TBC1D12: variants seen among roughly 807,000 people sequenced by gnomAD.
TBC1D12 encodes TBC1 domain family member 12.
Under a neutral mutation model 86.7 loss-of-function variants are expected in TBC1D12, and 56 were observed. The ratio of observed to expected loss-of-function variants is 0.65; its 90% CI spans 0.52 to 0.81. The LOEUF is 0.81. Ranked by LOEUF, TBC1D12 falls within the 30% of genes least tolerant of loss-of-function variation. TBC1D12 has a pLI of 0.00. For missense variants in TBC1D12, 1,023 were observed against 1,038.8 expected, an observed-to-expected ratio of 0.98 and a Z score of 0.21; for synonymous variants, 421 against 411.7, an observed-to-expected ratio of 1.02 and a Z score of -0.27.
chr10:94,453,703 A>G (rs981372029), intron 2 of TBC1D12, among the ~76,000 whole-genome samples: 4 of 152,270 alleles, frequency 2.6e-5, no homozygotes, highest in South Asian at 2.1e-4. Context: ...ACTCAAGGCC[A>G]TCTAAATTTT....
intron 1 of TBC1D12, among the ~76,000 whole-genome samples, chr10:94,434,876 G>A (rs935845856): frequency 2.6e-5 from 4 of 152,166 alleles, no homozygotes; most frequent in African/African-American, 4.8e-5. Flanking sequence ...CATTCTGAGA[G>A]TGGAACCCTT....
chr10:94,528,346 A>G (rs1005789418), intron 11 of TBC1D12, among the ~76,000 whole-genome samples: 1 of 152,158 alleles, frequency 6.6e-6, no homozygotes, highest in Non-Finnish European at 1.5e-5. Context: ...TTATTAATGT[A>G]TCCAGTTTTC....
chr10:94,531,854 T>TTTATG (rs1842438184), intron 12 of TBC1D12, among the ~76,000 whole-genome samples: 2 of 99,312 alleles, frequency 2.0e-5, no homozygotes, highest in African/African-American at 9.7e-5. Context: ...TTTATGTTAT[T>TTTATG]TTATTTTATA....
At chr10:94,406,042 C>G (rs11187929) in intron 1 of TBC1D12, among the ~76,000 whole-genome samples, 2 of 152,068 alleles carry the variant, frequency 1.3e-5, no homozygotes, top group African/African-American at 4.8e-5. Context: ...AACTCCTGAC[C>G]TCAGGTGATC....
intron 2 of TBC1D12, among the ~76,000 whole-genome samples, chr10:94,465,786 A>ACG (rs1554941296): frequency 5.1e-5 from 7 of 137,640 alleles, no homozygotes; most frequent in South Asian, 2.2e-4. Flanking sequence ...ATACATACAT[A>ACG]CATATACGCA....
At chr10:94,482,175 T>C (rs191870847) in intron 3 of TBC1D12, among the ~76,000 whole-genome samples, 46 of 152,234 alleles carry the variant, frequency 3.0e-4, no homozygotes, top group Non-Finnish European at 5.3e-4. Context: ...ACCCTTAAAG[T>C]AGACCCCAGT....
intron 2 of TBC1D12, among the ~76,000 whole-genome samples, chr10:94,451,197 A>G (rs2055544710): frequency 6.6e-6 from 1 of 152,114 alleles, no homozygotes; most frequent in Admixed American, 6.5e-5. Context: ...TTCCCAACAC[A>G]AAGAAATGAT....
intron 2 of TBC1D12, among the ~76,000 whole-genome samples, chr10:94,463,549 A>G (rs2055761756): frequency 1.3e-5 from 2 of 152,210 alleles, no homozygotes; most frequent in Admixed American, 6.5e-5. Context: ...TTACCTCTTA[A>G]AGGCTCCCCC....
chr10:94,474,864 CGAGAAAGATATT>C (rs1158425702), intron 3 of TBC1D12, 81 bp downstream of exon 3: 9 of 1,240,174 alleles, frequency 7.3e-6, no homozygotes, highest in Non-Finnish European at 9.1e-6. Context: ...TAAAAGATAG[CGAGAAAGATATT>C]GAGAAAGGAT....
At chr10:94,450,760 CT>C (rs1254082569) in intron 2 of TBC1D12, among the ~76,000 whole-genome samples, 2 of 152,014 alleles carry the variant, frequency 1.3e-5, no homozygotes, top group Non-Finnish European at 1.5e-5. Flanking sequence ...TGGAATCAGC[CT>C]AGGTATCCCA....
At chr10:94,430,860 G>A (rs926981748) in intron 1 of TBC1D12, among the ~76,000 whole-genome samples, 2 of 152,076 alleles carry the variant, frequency 1.3e-5, no homozygotes. Flanking sequence ...CCATTAGACT[G>A]CTATTTCTCA....
At chr10:94,507,401 C>T in intron 7 of TBC1D12, 54 bp downstream of exon 7, 1 of 1,429,464 alleles carries the variant, frequency 7.0e-7, no homozygotes, top group Non-Finnish European at 9.7e-7. Context: ...AGATACTGAG[C>T]ATGTATCAGA....
chr10:94,406,228 TTTAC>T (rs2054852424), intron 1 of TBC1D12, among the ~76,000 whole-genome samples: 1 of 152,228 alleles, frequency 6.6e-6, no homozygotes, highest in South Asian at 2.1e-4. Context: ...GTAAATTTTT[TTTAC>T]TTATAGACTA....
intron 1 of TBC1D12, among the ~76,000 whole-genome samples, chr10:94,428,876 A>AT (rs556795598): frequency 1.1e-3 from 169 of 150,944 alleles, no homozygotes; most frequent in Admixed American, 3.5e-3. Flanking sequence ...TGCCTGGCTG[A>AT]TTTTTTTTTG....
chr10:94,461,903 A>G (rs369388032), intron 2 of TBC1D12, among the ~76,000 whole-genome samples: 4 of 152,234 alleles, frequency 2.6e-5, no homozygotes, highest in African/African-American at 9.6e-5. Flanking sequence ...TGCAGTGGCA[A>G]CTTCTTGAAC....
chr10:94,492,211 G>GT (rs1192605765), intron 3 of TBC1D12, among the ~76,000 whole-genome samples: 1 of 152,074 alleles, frequency 6.6e-6, no homozygotes, highest in East Asian at 1.9e-4. Context: ...AAAAAACCTG[G>GT]TATATATAGG....
chr10:94,456,445 G>C (rs1243237426), intron 2 of TBC1D12, among the ~76,000 whole-genome samples: 1 of 152,120 alleles, frequency 6.6e-6, no homozygotes, highest in African/African-American at 2.4e-5. Flanking sequence ...ATTTAGAAGT[G>C]TGTTGTTTAA....
chr10:94,501,438 AG>A (rs1179682927), intron 6 of TBC1D12: 1 of 154,098 alleles, frequency 6.5e-6, no homozygotes, highest in Non-Finnish European at 1.5e-5. Flanking sequence ...TCTCAAAAAA[AG>A]AAAAAAAAAA....
chr10:94,527,740 T>TA (rs1424499604), intron 11 of TBC1D12, among the ~76,000 whole-genome samples: 2 of 152,176 alleles, frequency 1.3e-5, no homozygotes, highest in Admixed American at 1.3e-4. Flanking sequence ...GACTTTTGTA[T>TA]AGGGTGAGAA....
Sources: gnomAD v4.1 joint callset for allele counts (sites outside exome capture counted in the v4.1 genomes callset) on GRCh38, gnomAD v4.1.1 for gene constraint, MANE v1.5 for transcripts, NCBI Gene and HGNC (gene_info 2026-07-23, HGNC 2026-07-21) for gene names.